Variants in TTC17 observed in about 807,000 individuals in gnomAD.
TTC17 encodes tetratricopeptide repeat domain 17, also known as tetratricopeptide repeat protein 17.
Under a neutral mutation model 143.8 loss-of-function variants are expected in TTC17, and 58 were observed. That is an observed-to-expected ratio of 0.40 (90% CI 0.33 to 0.50). TTC17 has a LOEUF of 0.50. Ranked by LOEUF, TTC17 falls within the 20% of genes least tolerant of loss-of-function variation. The probability of loss-of-function intolerance (pLI) is 0.49; values close to 1 mark genes in which losing one functional copy is unlikely to be tolerated. For synonymous variants in TTC17, 501 were observed against 497.8 expected (o/e 1.01, Z -0.09); for missense variants, 1,273 against 1,392.5 (o/e 0.91, Z 1.37).
At chr11:43,386,658 AT>A (rs948511935) in intron 2 of TTC17, among the ~76,000 whole-genome samples, 2 of 152,238 alleles carry the variant, frequency 1.3e-5, no homozygotes, top group Admixed American at 6.5e-5. Flanking sequence ...AAATGACAAA[AT>A]TAAAAGATAA....
At chr11:43,412,132 A>G (rs1248331655) in intron 15 of TTC17, among the ~76,000 whole-genome samples, 1 of 152,218 alleles carries the variant, frequency 6.6e-6, no homozygotes, top group Non-Finnish European at 1.5e-5. Flanking sequence ...TTATGAAAAC[A>G]AAGTCTCAGC....
chr11:43,389,082 G>A (rs1857280778), intron 2 of TTC17, among the ~76,000 whole-genome samples: 2 of 151,068 alleles, frequency 1.3e-5, no homozygotes, highest in African/African-American at 2.4e-5. Context: ...AGGCTGCAGT[G>A]AGCTGTGATC....
chr11:43,401,249 T>A (rs1590359496), intron 9 of TTC17, among the ~76,000 whole-genome samples, 197 bp from the exon 10 acceptor site: 1 of 152,152 alleles, frequency 6.6e-6, no homozygotes, highest in East Asian at 1.9e-4. Flanking sequence ...TTTTTGTAGG[T>A]GGAAAAACTG....
Position 43,359,041 on chromosome 11 carries a change from G to A in TTC17, c.87G>A (p.Leu29=), listed in dbSNP as rs757152262. ...PGWLLSLSAL[L]SVAARGAFAT... is the part of the protein sequence containing the mutation. ...GGCTCCTCAGCCTTTCCGCCTTGCTGAGTGTGGCGGCACGAGGGGCCTTCG... is the reference window on the plus strand; with the variant it reads ...GGCTCCTCAGCCTTTCCGCCTTGCTAAGTGTGGCGGCACGAGGGGCCTTCG... The change falls in exon 1 of 24, where the codon CTG becomes CTA. Residue 29 remains leucine (L), a synonymous_variant. Transcript: ENST00000039989. The A allele has an allele frequency of 3.1e-5, 49 of 1,591,762 alleles. No individual in the cohort carries two copies. The highest frequency in any genetic ancestry group is 1.9e-4 in the Admixed American group (11 of 57,780).
At chr11:43,441,925 A>G (rs568932812) in intron 16 of TTC17, among the ~76,000 whole-genome samples, 86 of 152,300 alleles carry the variant, frequency 5.6e-4, no homozygotes, top group Admixed American at 3.3e-3. Flanking sequence ...ATTTTTTCCA[A>G]TGTGTTGCTT....
chr11:43,361,664 T>C (rs1359610862), intron 1 of TTC17, among the ~76,000 whole-genome samples: 2 of 152,260 alleles, frequency 1.3e-5, no homozygotes, highest in Admixed American at 1.3e-4. Flanking sequence ...CAAGAAATTA[T>C]AAGTTGAACC....
intron 15 of TTC17, among the ~76,000 whole-genome samples, chr11:43,411,388 T>C (rs890178911): frequency 6.6e-6 from 1 of 152,038 alleles, no homozygotes; most frequent in African/African-American, 2.4e-5. Flanking sequence ...TCTCAGTAAG[T>C]CCCTCTCATA....
At chr11:43,451,491 T>C (rs1361845976) in intron 21 of TTC17, among the ~76,000 whole-genome samples, 1 of 152,216 alleles carries the variant, frequency 6.6e-6, no homozygotes, top group Non-Finnish European at 1.5e-5. Flanking sequence ...GAAACTTACC[T>C]AGTCAGTTTT....
chr11:43,464,169 A>G (rs1246804781), intron 21 of TTC17, among the ~76,000 whole-genome samples: 1 of 151,912 alleles, frequency 6.6e-6, no homozygotes, highest in Non-Finnish European at 1.5e-5. Context: ...AATGCCGGGT[A>G]CTCGGGAGGG....
chr11:43,465,804 C>T (rs1276033725), intron 21 of TTC17, among the ~76,000 whole-genome samples: 2 of 152,204 alleles, frequency 1.3e-5, no homozygotes, highest in Admixed American at 6.5e-5. Context: ...GGTCCAAAGA[C>T]CTAAGTGTAA....
At chr11:43,388,644 G>A (rs1034710055) in intron 2 of TTC17, among the ~76,000 whole-genome samples, 33 of 151,214 alleles carry the variant, frequency 2.2e-4, no homozygotes, top group African/African-American at 7.8e-4. Flanking sequence ...TTTGAGACCA[G>A]CCTGGGCAAC....
chr11:43,446,176 C>T, intron 18 of TTC17: 1 of 1,313,474 alleles, frequency 7.6e-7, no homozygotes, highest in Non-Finnish European at 9.7e-7. Flanking sequence ...GTTTTTACCT[C>T]AGTGCCTTTG....
intron 16 of TTC17, among the ~76,000 whole-genome samples, 187 bp from the exon 17 acceptor site, chr11:43,443,138 G>C (rs190190258): frequency 6.6e-6 from 1 of 152,192 alleles, no homozygotes; most frequent in Admixed American, 6.5e-5. Context: ...TTTGGCAAAC[G>C]CTAGATGACA....
At chr11:43,407,624 C>T (rs202210346) in intron 15 of TTC17, 47 bp downstream of exon 15, 32 of 1,512,804 alleles carry the variant, frequency 2.1e-5, no homozygotes, top group Non-Finnish European at 2.4e-5. Flanking sequence ...TGTAGGGTAA[C>T]TCAAATTTAG....
rs1483082078 is a variant in TTC17, at chr11:43,405,870, C to A, written c.1680C>A (p.Ser560Arg). Residue 560 changes from serine (S) to arginine (R), a missense_variant, in exon 13 of 24, where the codon AGC (serine) becomes AGA (arginine). By Grantham distance (110) the Ser-to-Arg change is moderately radical. This residue lies in a region of TTC17 where 878 missense variants were observed against 899.8 expected (regional missense o/e 0.98). Coordinates refer to ENST00000039989, the MANE Select transcript of TTC17 (RefSeq NM_018259.6). ...PDCSITDFRK[S>R]HTLSYLVKEL... The stretch of plus-strand genomic sequence containing the variant: ...GTTCCATAACTGACTTCAGAAAAAG[C>A]CACACTCTGTCCTACTTAGTCAAAG... 5.0e-6 allele frequency: 8 copies of A among 1,614,018 alleles called. No homozygotes were observed. The South Asian group carries it at 8.8e-5, about 18-fold the overall frequency.
intron 1 of TTC17, among the ~76,000 whole-genome samples, chr11:43,361,896 A>C (rs887401285): frequency 2.0e-5 from 3 of 151,964 alleles, no homozygotes; most frequent in African/African-American, 4.8e-5. Flanking sequence ...CCCAGATTAG[A>C]TATATGGGTC....
At chr11:43,365,016 G>A (rs1378164215) in intron 1 of TTC17, among the ~76,000 whole-genome samples, 1 of 151,690 alleles carries the variant, frequency 6.6e-6, no homozygotes, top group Admixed American at 6.6e-5. Context: ...GGTCAGGCTG[G>A]TCTCAAACTC....
In TTC17 at chr11:43,401,552, T is replaced by C. The variant is rs776420422; in HGVS notation, c.1326T>C (p.Tyr442=). 4 of 1,605,394 alleles carry C rather than the reference T, an allele frequency of 2.5e-6. No individual in the cohort carries two copies. Among genetic ancestry groups the C allele is most frequent in the East Asian group, 4.5e-5 (2 of 44,788 alleles). ...GAGATATCTTTGAAAATGTGGACTA[T>C]GTTCAGGTCTTTTTCTTGGTCCAGT... ...HRGDIFENVD[Y]VQFGEDSSTS... Residue 442 remains tyrosine, a synonymous_variant, in exon 10 of 24, where the codon TAT becomes TAC. Coordinates refer to ENST00000039989, the MANE Select transcript of TTC17 (RefSeq NM_018259.6).
At chr11:43,420,675 C>T (rs372300496) in intron 16 of TTC17, among the ~76,000 whole-genome samples, 3 of 152,140 alleles carry the variant, frequency 2.0e-5, no homozygotes, top group African/African-American at 7.2e-5. Context: ...AACTTAGAGA[C>T]AGTATTATCA....
Sources: allele counts gnomAD v4.1 joint callset (sites outside exome capture counted in the v4.1 genomes callset), GRCh38; gene constraint gnomAD v4.1.1; regional missense constraint gnomAD v4.1.1; transcripts MANE v1.5; gene names NCBI Gene and HGNC (gene_info 2026-07-23, HGNC 2026-07-21).